Variants in ABCC1 observed in about 807,000 individuals in gnomAD.
ABCC1 encodes the protein multidrug resistance-associated protein 1.
A neutral mutation model predicts 172.9 loss-of-function variants in ABCC1; 83 were observed. The ratio of observed to expected loss-of-function variants is 0.48; its 90% CI spans 0.40 to 0.58. The LOEUF (loss-of-function observed/expected upper bound fraction) is 0.58, where lower values mean the gene tolerates loss of function less well. ABCC1 is among the 20% of genes least tolerant of loss of function. The pLI, the probability that ABCC1 is intolerant of heterozygous loss-of-function variation, is 0.00. For missense variants in ABCC1, 1,817 were observed against 2,002.7 expected (o/e 0.91, Z 1.77); for synonymous variants, 937 against 825.2 (o/e 1.14, Z -2.32).
chr16:16,067,634 G>C (rs1295102681), intron 12 of ABCC1, among the ~76,000 whole-genome samples: 1 of 152,150 alleles, frequency 6.6e-6, no homozygotes, highest in Non-Finnish European at 1.5e-5. Flanking sequence ...CAAAGTGTAT[G>C]GTTTTTATTT....
At position 16,122,024 on chromosome 16, in the gene ABCC1, G is replaced by T; in HGVS notation, c.3440G>T (p.Ser1147Ile). Residue 1147 changes from serine (S) to isoleucine (I), a missense_variant, in exon 24 of 31, where the codon AGC (serine) becomes ATC (isoleucine). Physicochemically the swap from Ser to Ile is moderately radical, Grantham distance 142. Around this residue, in one of 3 missense-constraint regions of ABCC1, gnomAD observed 1,412 missense variants for 1,600.3 expected, o/e 0.88. Transcript: ENST00000399410. The part of the protein sequence containing the change: ...SRQLKRLESV[S>I]RSPVYSHFNE... The stretch of plus-strand genomic sequence containing the variant: ...CAGCTGAAGCGCCTCGAGTCGGTCA[G>T]CCGCTCCCCGGTCTATTCCCATTTC... 2 of 1,614,224 alleles carry T rather than the reference G, an allele frequency of 1.2e-6. No individual in the cohort carries two copies. Among genetic ancestry groups the T allele is most frequent in the Non-Finnish European group, 1.7e-6 (2 of 1,180,044 alleles).
intron 29 of ABCC1, among the ~76,000 whole-genome samples, chr16:16,137,635 C>T (rs2045966326): frequency 7.2e-6 from 1 of 138,454 alleles, no homozygotes; most frequent in Admixed American, 7.6e-5. Context: ...TCATCTGCAA[C>T]CTCCGCCCCC....
chr16:15,968,877 C>T (rs984471230), intron 1 of ABCC1, among the ~76,000 whole-genome samples: 2 of 151,470 alleles, frequency 1.3e-5, no homozygotes, highest in African/African-American at 4.9e-5. Flanking sequence ...TGCCCACCAC[C>T]ATGCCCAGCT....
At chr16:16,136,850 G>A (rs1363860874) in intron 29 of ABCC1, among the ~76,000 whole-genome samples, 2 of 152,160 alleles carry the variant, frequency 1.3e-5, no homozygotes, top group Non-Finnish European at 2.9e-5. Context: ...AGAATAACCA[G>A]GATGACCAGT....
At position 16,057,582 on chromosome 16, in the gene ABCC1, C is replaced by T. The variant is rs535372667; in HGVS notation, c.1677+1287C>T. Among the ~76,000 whole-genome samples the T allele has an allele frequency of 2.0e-5, 3 of 151,836 alleles. No individual in the cohort carries two copies. The South Asian group carries it at 6.2e-4, about 32-fold the overall frequency. The stretch of plus-strand genomic sequence containing the variant: ...GATATAAAATGAAAAGTATATTGTC[C>T]TCTCTTCCATCAGTTCCTCCCTTCT... On this transcript the variant is annotated intron_variant, in intron 12 of 30. Transcript: ENST00000399410.
intron 5 of ABCC1, among the ~76,000 whole-genome samples, chr16:16,018,785 G>A (rs948732954): frequency 2.0e-5 from 2 of 98,856 alleles, no homozygotes; most frequent in African/African-American, 8.5e-5. Context: ...GTGTGTTTAT[G>A]TTCATGTATG....
chr16:16,052,324 A>G (rs187835326), intron 10 of ABCC1, among the ~76,000 whole-genome samples: 5 of 152,056 alleles, frequency 3.3e-5, no homozygotes, highest in Non-Finnish European at 7.4e-5. Flanking sequence ...AGCAAGACCT[A>G]ATGCTTACCT....
chr16:16,106,959 T>C, intron 21 of ABCC1, 86 bp downstream of exon 21: 1 of 1,552,060 alleles, frequency 6.4e-7, no homozygotes, highest in Non-Finnish European at 8.8e-7. Context: ...GTGCCTTGTC[T>C]ATGTTAACTC....
chr16:16,035,261 GCAGC>G (rs1386610737), intron 6 of ABCC1, among the ~76,000 whole-genome samples: 1 of 151,952 alleles, frequency 6.6e-6, no homozygotes. Flanking sequence ...AATTAGCCGG[GCAGC>G]ACACGCCTGT....
chr16:16,076,462 G>C (rs372717394), intron 15 of ABCC1, 61 bp downstream of exon 15: 4 of 1,483,168 alleles, frequency 2.7e-6, no homozygotes, highest in East Asian at 4.9e-5. Flanking sequence ...TTTGTTAAAC[G>C]TGGATTCGAA....
chr16:16,134,270 G>A, intron 27 of ABCC1, 80 bp from the exon 28 acceptor site: 2 of 1,566,654 alleles, frequency 1.3e-6, no homozygotes, highest in Non-Finnish European at 1.7e-6. Flanking sequence ...CTGAGGTGGG[G>A]CCGAGATGAG....
At chr16:15,960,793 G>A (rs215100) in intron 1 of ABCC1, among the ~76,000 whole-genome samples, 93,262 of 151,798 alleles carry the variant, frequency 0.61, 29,368 homozygotes, top group Non-Finnish European at 0.69. Flanking sequence ...AAGTATTGAG[G>A]AGTTTAACTC....
In ABCC1 at chr16:16,111,247, T is replaced by C; in HGVS notation, c.2872-128T>C. The C allele has an allele frequency of 2.3e-5, 17 of 731,800 alleles. No homozygotes were observed. The South Asian group carries it at 2.8e-4, about 12-fold the overall frequency. 45.3% of individuals were successfully genotyped at this position (731,800 alleles called of 1,614,324 possible). ...TTGTTGAATAGCTAAAGGGGAGGGG[T>C]GTTCTACGTAGGAGCAAAGGCAGGC... is the stretch of plus-strand genomic sequence containing the variant. On this transcript the variant is annotated intron_variant, in intron 21 of 30. Coordinates refer to ENST00000399410, the MANE Select transcript of ABCC1 (RefSeq NM_004996.4).
intron 29 of ABCC1, among the ~76,000 whole-genome samples, chr16:16,137,736 A>G (rs192834559): frequency 4.6e-5 from 7 of 151,882 alleles, no homozygotes; most frequent in Admixed American, 3.9e-4. Flanking sequence ...CATTTTTAGT[A>G]GAGATGGGGT....
intron 1 of ABCC1, among the ~76,000 whole-genome samples, chr16:15,962,930 A>T (rs191400029): frequency 1.9e-4 from 29 of 152,306 alleles, no homozygotes; most frequent in Non-Finnish European, 1.5e-4. Flanking sequence ...CAAAGTCTTA[A>T]CTCATTTCAG....
chr16:16,120,811 G>A (rs958505546), intron 23 of ABCC1, among the ~76,000 whole-genome samples: 4 of 152,058 alleles, frequency 2.6e-5, no homozygotes, highest in African/African-American at 9.7e-5. Flanking sequence ...ATCGGAGGGG[G>A]GTGACGAGAT....
chr16:16,131,662 C>T (rs1203513336), intron 26 of ABCC1, 127 bp from the exon 27 acceptor site: 11 of 1,012,492 alleles, frequency 1.1e-5, no homozygotes, highest in South Asian at 5.1e-5. Flanking sequence ...GGAAGGGCAA[C>T]CCCCCAGTGC....
chr16:16,015,745 A>G (rs1476589832), intron 4 of ABCC1, among the ~76,000 whole-genome samples: 8 of 152,130 alleles, frequency 5.3e-5, no homozygotes, highest in Admixed American at 4.6e-4. Context: ...TGTGCTTTGT[A>G]GACATTTAGG....
intron 1 of ABCC1, among the ~76,000 whole-genome samples, chr16:15,972,959 G>A (rs952666966): frequency 2.0e-5 from 3 of 151,456 alleles, no homozygotes; most frequent in East Asian, 1.9e-4. Flanking sequence ...CACCATACCT[G>A]GCTAATTTTT....
Sources: gnomAD v4.1 joint callset for allele counts (sites outside exome capture counted in the v4.1 genomes callset) on GRCh38, gnomAD v4.1.1 for gene constraint, gnomAD v4.1.1 regional missense constraint, MANE v1.5 for transcripts, NCBI Gene and HGNC (gene_info 2026-07-23, HGNC 2026-07-21) for gene names.